PSMC6: variants seen among roughly 807,000 people sequenced by gnomAD.
The protein encoded by PSMC6 is proteasome 26S subunit, ATPase 6, also known as 26S proteasome regulatory subunit 10B.
In PSMC6, 3 loss-of-function variants were observed where a neutral mutation model predicts 55.9. The ratio of observed to expected loss-of-function variants is 0.05; its 90% confidence interval spans 0.02 to 0.14. The LOEUF (loss-of-function observed/expected upper bound fraction) is 0.14. Among genes scored for constraint, PSMC6 ranks in the 10% least tolerant of loss-of-function variants. The pLI is 1.00. For missense variants in PSMC6, 210 were observed against 478.7 expected (o/e 0.44, Z 5.24); for synonymous variants, 137 against 155.9 (o/e 0.88, Z 0.90).
intron 13 of PSMC6, among the ~76,000 whole-genome samples, chr14:52,725,877 A>G (rs1322170818): frequency 2.0e-5 from 3 of 152,272 alleles, no homozygotes; most frequent in Admixed American, 6.5e-5. Flanking sequence ...CATGTGTGCA[A>G]GGTTTACAAA....
rs1489346771 is a variant in PSMC6 at position 52,707,230 on chromosome 14, C to G, written c.11C>G (p.Pro4Arg). 3 of 1,614,108 alleles carry G rather than the reference C, an allele frequency of 1.9e-6. No individual in the cohort carries two copies. Among genetic ancestry groups the G allele is most frequent in the Admixed American group, 1.7e-5 (1 of 60,012 alleles). MAD[P>R]RDKALQDYRK... ...AGACGGCTTCTCATCATGGCGGACC[C>G]TAGAGATAAGGCGCTTCAGGACTAC... is the stretch of plus-strand genomic sequence containing the variant. Residue 4 changes from proline (P) to arginine (R), a missense_variant, in exon 1 of 14, where the codon CCT becomes CGT. By Grantham distance (103) the Pro-to-Arg change is moderately radical (BLOSUM62 -2). Transcript: ENST00000445930.
At chr14:52,721,433 G>A (rs540631182) in intron 12 of PSMC6, 11 of 383,004 alleles carry the variant, frequency 2.9e-5, no homozygotes, top group Non-Finnish European at 4.7e-5. Flanking sequence ...TTATATTCTT[G>A]TTAGGAAAAA....
intron 4 of PSMC6, chr14:52,709,738 T>G: frequency 3.5e-6 from 1 of 284,668 alleles, no homozygotes; most frequent in Non-Finnish European, 6.9e-6. Flanking sequence ...GATTTTGGCT[T>G]TTTTTTTTTC....
In PSMC6 at chr14:52,727,548, C is replaced by G. The variant is rs1435316510; in HGVS notation, c.1101C>G (p.Phe367Leu). 13 of 1,611,822 alleles carry G rather than the reference C, an allele frequency of 8.1e-6. No individual in the cohort carries two copies. The highest frequency in any genetic ancestry group is 1.1e-5 in the Non-Finnish European group (13 of 1,179,740). The stretch of plus-strand genomic sequence containing the variant: ...ATGATTTTGTAGTACAGGAAGACTT[C>G]ATGAAAGCAGTCAGAAAAGTGGCTG... ...ADHDFVVQED[F>L]MKAVRKVADS... Residue 367 changes from phenylalanine (F) to leucine (L), a missense_variant, in exon 14 of 14, where the codon TTC (phenylalanine) becomes TTG (leucine). Phe to Leu is a conservative substitution (Grantham distance 22). Around this residue, in one of 4 missense-constraint regions of PSMC6, gnomAD observed 79 missense variants for 158.7 expected, o/e 0.50. Transcript: ENST00000445930.
intron 1 of PSMC6, among the ~76,000 whole-genome samples, chr14:52,707,811 A>G (rs1238679927): frequency 6.6e-6 from 1 of 151,942 alleles, no homozygotes; most frequent in Non-Finnish European, 1.5e-5. Context: ...AATTTCCCTT[A>G]CCTCCTGAGT....
Position 52,727,727 on chromosome 14 carries a change from TA to T in PSMC6, c.*115del, listed in dbSNP as rs1880479852. The T allele has an allele frequency of 1.6e-6, 1 of 611,308 alleles. No homozygotes were observed. The highest frequency in any genetic ancestry group is 1.9e-5 in the African/African-American group (1 of 52,694). The allele number at this position is 611,308 out of a possible 1,614,324, so 37.9% of individuals were successfully genotyped here. On this transcript the variant is annotated 3_prime_UTR_variant, in exon 14 of 14. Coordinates refer to ENST00000445930, the MANE Select transcript of PSMC6 (RefSeq NM_002806.5). ...AATGATGTCATTAAAAGTATATGAATAAAAATATGAGTAACATCATAAAAAT... is the reference window on the plus strand; with the variant it reads ...AATGATGTCATTAAAAGTATATGAATAAAATATGAGTAACATCATAAAAAT...
intron 13 of PSMC6, among the ~76,000 whole-genome samples, chr14:52,727,011 G>T (rs1378072087): frequency 7.4e-6 from 1 of 135,956 alleles, no homozygotes; most frequent in African/African-American, 2.7e-5. Context: ...TCACAACACC[G>T]CTATGGATTT....
chr14:52,715,520 C>T (rs1298120580), intron 7 of PSMC6, among the ~76,000 whole-genome samples: 1 of 152,050 alleles, frequency 6.6e-6, no homozygotes, highest in African/African-American at 2.4e-5. Context: ...CCATCTATTG[C>T]CATTGATAAA....
chr14:52,721,275 CTGGTTTTAAATTCAGCAAATGTGG>C lies in PSMC6; in HGVS notation c.979+106_979+129del. On this transcript the variant is annotated intron_variant, in intron 12 of 13. Coordinates refer to ENST00000445930, the MANE Select transcript of PSMC6 (RefSeq NM_002806.5). ...AGAAATTACTGATAGTTTCCTAAAT[CTGGTTTTAAATTCAGCAAATGTGG>C]TGGTTTTAAATTCAGCAAATAGTTA... The C allele has an allele frequency of 5.0e-6, 6 of 1,209,638 alleles. No homozygotes were observed. In the South Asian group the frequency reaches 9.8e-5, roughly 20 times the overall value. The allele number at this position is 1,209,638 out of a possible 1,614,324, so 74.9% of individuals were successfully genotyped here. A position where few individuals can be genotyped will look rare whatever the true frequency, so the allele number is the denominator to read the frequency against.
At chr14:52,719,139 T>G (rs1321520743) in intron 10 of PSMC6, 101 bp downstream of exon 10, 1 of 1,017,118 alleles carries the variant, frequency 9.8e-7, no homozygotes, top group African/African-American at 1.7e-5. Flanking sequence ...ACATTTTAAA[T>G]GAAATATGAA....
intron 6 of PSMC6, 55 bp downstream of exon 6, chr14:52,711,579 AG>A: frequency 8.1e-7 from 1 of 1,238,770 alleles, no homozygotes; most frequent in South Asian, 1.4e-5. Context: ...TACTAGTTTT[AG>A]GATTCTTAAC....
chr14:52,719,123 T>C, intron 10 of PSMC6, 85 bp downstream of exon 10: 1 of 1,108,032 alleles, frequency 9.0e-7, no homozygotes, highest in Non-Finnish European at 1.3e-6. Context: ...AGTCAAAATA[T>C]ATAGAACATT....
intron 12 of PSMC6, 189 bp from the exon 13 acceptor site, chr14:52,723,776 A>G: frequency 1.5e-6 from 2 of 1,335,384 alleles, no homozygotes; most frequent in Non-Finnish European, 9.8e-7. Flanking sequence ...GGTGTGTCTA[A>G]TTCTTCTTGG....
At chr14:52,714,930 A>G (rs2041814873) in intron 7 of PSMC6, among the ~76,000 whole-genome samples, 1 of 151,722 alleles carries the variant, frequency 6.6e-6, no homozygotes. Context: ...ATACTGCTTG[A>G]CATATGTAGC....
chr14:52,720,422 A>C (rs970834423), intron 10 of PSMC6, among the ~76,000 whole-genome samples: 4 of 146,340 alleles, frequency 2.7e-5, no homozygotes, highest in African/African-American at 9.9e-5. Context: ...TCAAATTTGT[A>C]GAAAAATCTT....
chr14:52,714,739 A>C (rs1452640813), intron 7 of PSMC6, among the ~76,000 whole-genome samples: 1 of 151,706 alleles, frequency 6.6e-6, no homozygotes, highest in Non-Finnish European at 1.5e-5. Context: ...GGTGGCGTGC[A>C]CCTGTAATCC....
intron 7 of PSMC6, 101 bp from the exon 8 acceptor site, chr14:52,717,980 A>C (rs1219202729): frequency 1.8e-6 from 2 of 1,094,844 alleles, no homozygotes; most frequent in Non-Finnish European, 2.7e-6. Flanking sequence ...GTGAGCTGTG[A>C]TCTCGCCACA....
At position 52,727,524 on chromosome 14, in the gene PSMC6, T is replaced by C. The variant is rs749966259; in HGVS notation, c.1077T>C (p.His359=). 1.5e-5 allele frequency: 24 copies of C among 1,612,040 alleles called. No homozygotes were observed. The East Asian group carries it at 1.8e-4, about 12-fold the overall frequency. Reference sequence around the variant, plus strand: ...GTATGTTCGCAATTCGTGCTGATCATGATTTTGTAGTACAGGAAGACTTCA... The same window carrying C: ...GTATGTTCGCAATTCGTGCTGATCACGATTTTGTAGTACAGGAAGACTTCA... The part of the protein sequence containing the change: ...EAGMFAIRAD[H]DFVVQEDFMK... The change falls in exon 14 of 14, where the codon CAT becomes CAC. Residue 359 remains histidine (H), a synonymous_variant. Coordinates refer to ENST00000445930, the MANE Select transcript of PSMC6 (RefSeq NM_002806.5).
intron 10 of PSMC6, among the ~76,000 whole-genome samples, chr14:52,720,612 A>G (rs1051849361): frequency 6.6e-6 from 1 of 152,252 alleles, no homozygotes; most frequent in East Asian, 1.9e-4. Flanking sequence ...AGATTTATTA[A>G]AACTACCTGG....
Sources: gnomAD v4.1 joint callset for allele counts (sites outside exome capture counted in the v4.1 genomes callset) on GRCh38, gnomAD v4.1.1 for gene constraint, gnomAD v4.1.1 regional missense constraint, MANE v1.5 for transcripts, NCBI Gene and HGNC (gene_info 2026-07-23, HGNC 2026-07-21) for gene names.